The following PDE4D variants were observed in gnomAD, a reference collection of about 807,000 sequenced individuals.
PDE4D encodes the protein 3',5'-cyclic-AMP phosphodiesterase 4D.
Under a neutral mutation model 87.4 loss-of-function variants are expected in PDE4D, and 24 were observed. That is an observed-to-expected ratio of 0.27 (90% confidence interval 0.20 to 0.39). The LOEUF is 0.39. PDE4D is among the 10% of genes least tolerant of loss of function. The probability of loss-of-function intolerance (pLI) is 1.00; values close to 1 mark genes in which losing one functional copy is unlikely to be tolerated. For synonymous variants in PDE4D, 384 were observed against 383.2 expected (o/e 1.00, Z -0.02); for missense variants, 714 against 1,041.0 (o/e 0.69, Z 4.32).
intron 5 of PDE4D, among the ~76,000 whole-genome samples, chr5:59,159,447 A>T (rs1261595146): frequency 2.6e-5 from 4 of 152,124 alleles, no homozygotes; most frequent in Non-Finnish European, 5.9e-5. Flanking sequence ...TCTTTTGCAC[A>T]TGTACAATTA....
At chr5:59,610,054 C>G (rs1415641246) in intron 1 of PDE4D, among the ~76,000 whole-genome samples, 1 of 152,152 alleles carries the variant, frequency 6.6e-6, no homozygotes, top group Admixed American at 6.6e-5. Flanking sequence ...GCCCTAGATA[C>G]AACAGAGAAC....
intron 2 of PDE4D, among the ~76,000 whole-genome samples, chr5:60,172,608 A>G (rs546509738): frequency 1.3e-5 from 2 of 152,248 alleles, no homozygotes; most frequent in African/African-American, 4.8e-5. Flanking sequence ...TTGTGATTAC[A>G]GAAAGTTTAA....
At chr5:59,374,516 C>A (rs976321877) in intron 1 of PDE4D, among the ~76,000 whole-genome samples, 3 of 152,176 alleles carry the variant, frequency 2.0e-5, no homozygotes, top group Admixed American at 2.0e-4. Context: ...GAGAAACACT[C>A]AGATTCATAA....
At chr5:60,487,773 T>C (rs1422636089) in intron 1 of PDE4D, 1 of 152,238 alleles carries the variant, frequency 6.6e-6, no homozygotes, top group Admixed American at 6.5e-5. Context: ...GGAATAACCC[T>C]GCCAGTTCTT....
At chr5:59,060,011 G>A (rs926474700) in intron 5 of PDE4D, among the ~76,000 whole-genome samples, 2 of 152,132 alleles carry the variant, frequency 1.3e-5, no homozygotes, top group African/African-American at 2.4e-5. Flanking sequence ...ATATAACTAA[G>A]TTTTGGTGAA....
chr5:59,250,233 G>C (rs749365021), intron 1 of PDE4D, among the ~76,000 whole-genome samples: 1 of 150,990 alleles, frequency 6.6e-6, no homozygotes, highest in Non-Finnish European at 1.5e-5. Context: ...GTTCATACCT[G>C]TAATCCAAGC....
At chr5:60,045,185 G>T (rs899873256) in intron 2 of PDE4D, among the ~76,000 whole-genome samples, 1 of 150,822 alleles carries the variant, frequency 6.6e-6, no homozygotes, top group African/African-American at 2.4e-5. Context: ...GTCTGTTCAT[G>T]TCCACCCACT....
chr5:59,482,611 C>A (rs1432971273), intron 1 of PDE4D, among the ~76,000 whole-genome samples: 1 of 151,912 alleles, frequency 6.6e-6, no homozygotes, highest in African/African-American at 2.4e-5. Flanking sequence ...CTGAAATGGA[C>A]CCATAGAAGT....
intron 1 of PDE4D, among the ~76,000 whole-genome samples, chr5:59,311,378 G>GGGAC (rs1464889872): frequency 6.6e-6 from 1 of 151,706 alleles, no homozygotes; most frequent in Non-Finnish European, 1.5e-5. Flanking sequence ...GTATGCATCT[G>GGGAC]TAGTCCCAGC....
At chr5:59,510,513 G>A (rs1342908271) in intron 1 of PDE4D, among the ~76,000 whole-genome samples, 1 of 151,538 alleles carries the variant, frequency 6.6e-6, no homozygotes, top group Non-Finnish European at 1.5e-5. Flanking sequence ...AGAGAAGAAT[G>A]GGCATAGTAT....
chr5:60,037,038 C>T (rs1468072362), intron 2 of PDE4D, among the ~76,000 whole-genome samples: 3 of 152,144 alleles, frequency 2.0e-5, no homozygotes, highest in African/African-American at 7.2e-5. Flanking sequence ...CAGCAGAGAC[C>T]AGATCACATG....
intron 1 of PDE4D, among the ~76,000 whole-genome samples, chr5:60,251,288 T>C: frequency 6.6e-6 from 1 of 151,578 alleles, no homozygotes; most frequent in East Asian, 2.0e-4. Flanking sequence ...GGGTTTGGTG[T>C]ACAGATTATT....
intron 1 of PDE4D, chr5:59,276,231 ACC>A: frequency 1.5e-6 from 1 of 674,102 alleles, no homozygotes; most frequent in Non-Finnish European, 1.8e-6. Context: ...AGCACTGTAA[ACC>A]GGCCAAGCAG....
chr5:59,761,052 G>A (rs1258304618), intron 1 of PDE4D, among the ~76,000 whole-genome samples: 1 of 151,998 alleles, frequency 6.6e-6, no homozygotes, highest in African/African-American at 2.4e-5. Flanking sequence ...AAACCTAGAT[G>A]GTATAGCCTA....
intron 5 of PDE4D, among the ~76,000 whole-genome samples, chr5:59,080,497 T>A (rs949829147): frequency 6.6e-6 from 1 of 152,194 alleles, no homozygotes; most frequent in African/African-American, 2.4e-5. Flanking sequence ...GCTCACCAGA[T>A]GGTGAAGAAG....
intron 1 of PDE4D, among the ~76,000 whole-genome samples, chr5:59,434,555 A>G (rs191747996): frequency 1.7e-4 from 26 of 152,202 alleles, no homozygotes; most frequent in African/African-American, 5.5e-4. Flanking sequence ...TTGGCTTTAA[A>G]TATTCTTTAT....
intron 1 of PDE4D, among the ~76,000 whole-genome samples, chr5:60,455,453 A>G (rs1014258189): frequency 1.3e-5 from 2 of 152,164 alleles, no homozygotes; most frequent in African/African-American, 4.8e-5. Flanking sequence ...CATTTTCCTG[A>G]TCTTGAAGAC....
chr5:59,133,811 G>T (rs1369603135), intron 5 of PDE4D, among the ~76,000 whole-genome samples: 2 of 152,108 alleles, frequency 1.3e-5, no homozygotes, highest in African/African-American at 4.8e-5. Flanking sequence ...GATGGACAAA[G>T]GCTCTGTATT....
intron 1 of PDE4D, among the ~76,000 whole-genome samples, chr5:59,395,013 G>T (rs538153888): frequency 6.6e-6 from 1 of 152,292 alleles, no homozygotes; most frequent in African/African-American, 2.4e-5. Context: ...CGAATACTGC[G>T]CTTTTCCGAC....
Sources: allele counts gnomAD v4.1 joint callset (sites outside exome capture counted in the v4.1 genomes callset), GRCh38; gene constraint gnomAD v4.1.1; transcripts MANE v1.5; gene names NCBI Gene and HGNC (gene_info 2026-07-23, HGNC 2026-07-21).